NWD2: variants seen among roughly 807,000 people sequenced by gnomAD.
NWD2 encodes NACHT and WD repeat domain-containing protein 2.
In NWD2, 37 loss-of-function variants were observed where a neutral mutation model predicts 132.7. That is an observed-to-expected ratio of 0.28 (90% CI 0.21 to 0.37). NWD2 has a LOEUF of 0.37. Among genes scored for constraint, NWD2 ranks in the 10% least tolerant of loss-of-function variants. The probability of loss-of-function intolerance (pLI) is 1.00; values close to 1 mark genes in which losing one functional copy is unlikely to be tolerated. For missense variants in NWD2, 1,592 were observed against 2,122.4 expected (o/e 0.75, Z 4.91); for synonymous variants, 705 against 803.0 (o/e 0.88, Z 2.06).
chr4:37,269,419 T>G (rs1206802912), intron 1 of NWD2, among the ~76,000 whole-genome samples: 3 of 151,906 alleles, frequency 2.0e-5, no homozygotes, highest in Non-Finnish European at 4.4e-5. Context: ...ATGAAATGCA[T>G]CTTAAGTGTA....
chr4:37,279,215 T>TA (rs915318209), intron 1 of NWD2, among the ~76,000 whole-genome samples: 4 of 152,188 alleles, frequency 2.6e-5, no homozygotes, highest in African/African-American at 7.2e-5. Flanking sequence ...TTTTAAATGT[T>TA]AGTCCATTTG....
At chr4:37,291,239 C>T (rs1479036716) in intron 1 of NWD2, among the ~76,000 whole-genome samples, 2 of 151,934 alleles carry the variant, frequency 1.3e-5, no homozygotes, top group East Asian at 1.9e-4. Context: ...TGTAATAAAA[C>T]GACTAAGTAG....
In NWD2 at chr4:37,244,910, C is replaced by G; in HGVS notation, c.-158C>G. On this transcript the variant is annotated 5_prime_UTR_variant, in exon 1 of 7. Coordinates refer to ENST00000309447, the MANE Select transcript of NWD2 (RefSeq NM_001144990.2). The surrounding 1 kb of genome is among the most constrained non-coding windows in gnomAD (Gnocchi z 5.5). Reference sequence around the variant, plus strand: ...TCTCCTCGCCGGCGGGTGCTGTGCGCCACGGAGCTCGCCAAAGGCGCTTCG... The same window carrying G: ...TCTCCTCGCCGGCGGGTGCTGTGCGGCACGGAGCTCGCCAAAGGCGCTTCG... 1.1e-6 allele frequency: 1 copy of G among 913,784 alleles called. No homozygotes were observed. Among genetic ancestry groups the G allele is most frequent in the African/African-American group, 1.8e-5 (1 of 56,634 alleles). The allele number at this position is 913,784 out of a possible 1,614,324, so 56.6% of individuals were successfully genotyped here. A position where few individuals can be genotyped will look rare whatever the true frequency, so the allele number is the denominator to read the frequency against.
intron 2 of NWD2, among the ~76,000 whole-genome samples, chr4:37,335,310 G>T (rs955558121): frequency 1.6e-5 from 2 of 125,706 alleles, no homozygotes; most frequent in African/African-American, 2.9e-5. Context: ...CGGGGGGGGG[G>T]GGCTTAAATT....
chr4:37,375,674 T>C (rs371340825), intron 3 of NWD2, among the ~76,000 whole-genome samples: 5 of 151,288 alleles, frequency 3.3e-5, no homozygotes, highest in African/African-American at 9.7e-5. Flanking sequence ...GTTCACACCA[T>C]TCTCCTGCCT....
chr4:37,301,103 T>A (rs2109276489), intron 1 of NWD2, among the ~76,000 whole-genome samples: 1 of 152,242 alleles, frequency 6.6e-6, no homozygotes, highest in South Asian at 2.1e-4. Context: ...TTGTTGGTTA[T>A]TCCAGACAGC....
intron 2 of NWD2, among the ~76,000 whole-genome samples, chr4:37,340,249 G>A (rs1719492011): frequency 6.6e-6 from 1 of 152,144 alleles, no homozygotes; most frequent in Non-Finnish European, 1.5e-5. Context: ...TCTTTGCAGA[G>A]CTGTTCTGTG....
At chr4:37,407,149 T>C (rs1721058865) in intron 3 of NWD2, among the ~76,000 whole-genome samples, 1 of 152,144 alleles carries the variant, frequency 6.6e-6, no homozygotes, top group Non-Finnish European at 1.5e-5. Context: ...GACAGGTTGA[T>C]AGGTGCAGCA....
intron 1 of NWD2, among the ~76,000 whole-genome samples, chr4:37,263,917 G>T (rs960438363): frequency 6.6e-6 from 1 of 152,196 alleles, no homozygotes; most frequent in Non-Finnish European, 1.5e-5. Context: ...TTCAATGCCT[G>T]TGAATAGTGA....
chr4:37,348,909 C>A (rs1179573133), intron 2 of NWD2, among the ~76,000 whole-genome samples: 1 of 151,540 alleles, frequency 6.6e-6, no homozygotes, highest in African/African-American at 2.4e-5. Flanking sequence ...GTTAAACTCC[C>A]ACTTATGAGT....
intron 3 of NWD2, among the ~76,000 whole-genome samples, chr4:37,392,838 G>A (rs1280197121): frequency 6.6e-6 from 1 of 152,164 alleles, no homozygotes; most frequent in Non-Finnish European, 1.5e-5. Context: ...ACCAGTCCCA[G>A]TTTTCTGACC....
intron 1 of NWD2, among the ~76,000 whole-genome samples, chr4:37,279,400 G>A (rs555110242): frequency 6.6e-6 from 1 of 152,206 alleles, no homozygotes; most frequent in Non-Finnish European, 1.5e-5. Context: ...TAATTCCATA[G>A]TGAAATCTCC....
At chr4:37,317,103 A>G (rs894504370) in intron 1 of NWD2, among the ~76,000 whole-genome samples, 2 of 152,188 alleles carry the variant, frequency 1.3e-5, no homozygotes, top group East Asian at 1.9e-4. Flanking sequence ...TTCTTCTCAA[A>G]TACCTCAAAC....
chr4:37,403,776 A>T (rs745945244), intron 3 of NWD2, among the ~76,000 whole-genome samples: 1 of 152,184 alleles, frequency 6.6e-6, no homozygotes, highest in Non-Finnish European at 1.5e-5. Context: ...CTATTTTTAT[A>T]GTCTATGGCA....
At chr4:37,421,337 C>T (rs551946195) in intron 3 of NWD2, among the ~76,000 whole-genome samples, 1 of 152,208 alleles carries the variant, frequency 6.6e-6, no homozygotes, top group Non-Finnish European at 1.5e-5. Context: ...GGAATGGCTC[C>T]ATTTCATGTG....
intron 1 of NWD2, among the ~76,000 whole-genome samples, chr4:37,323,981 C>T (rs1719120607): frequency 6.6e-6 from 1 of 151,940 alleles, no homozygotes; most frequent in Non-Finnish European, 1.5e-5. Context: ...AAAATGGGAG[C>T]TAAACATTGA....
chr4:37,277,318 A>T (rs1001749573), intron 1 of NWD2, among the ~76,000 whole-genome samples: 12 of 151,860 alleles, frequency 7.9e-5, no homozygotes, highest in Admixed American at 5.3e-4. Flanking sequence ...ATTTTTCATC[A>T]AATTTGGAAC....
At chr4:37,312,223 A>G (rs1718860658) in intron 1 of NWD2, among the ~76,000 whole-genome samples, 1 of 151,464 alleles carries the variant, frequency 6.6e-6, no homozygotes, top group African/African-American at 2.5e-5. Flanking sequence ...CTTGGGCAGT[A>G]TGGCCATTTT....
chr4:37,312,225 G>A (rs1718860708), intron 1 of NWD2, among the ~76,000 whole-genome samples: 1 of 151,460 alleles, frequency 6.6e-6, no homozygotes, highest in Admixed American at 6.6e-5. Context: ...TGGGCAGTAT[G>A]GCCATTTTCA....
Sources: allele counts gnomAD v4.1 joint callset (sites outside exome capture counted in the v4.1 genomes callset), GRCh38; gene constraint gnomAD v4.1.1; non-coding constraint Gnocchi (gnomAD v3.1); transcripts MANE v1.5; gene names NCBI Gene and HGNC (gene_info 2026-07-23, HGNC 2026-07-21).